Variants in ZNF740 observed in about 807,000 individuals in gnomAD.
The protein encoded by ZNF740 is zinc finger protein 740.
ZNF740 carries 14 observed loss-of-function variants against 24.8 expected under a neutral mutation model. The observed-to-expected ratio is 0.56, with a 90% CI of 0.37 to 0.88. The LOEUF is 0.88. Ranked by LOEUF, ZNF740 falls within the 40% of genes least tolerant of loss-of-function variation. ZNF740 has a pLI of 0.00. For synonymous variants in ZNF740, 69 were observed against 84.0 expected (o/e 0.82, Z 0.98); for missense variants, 201 against 247.9 (o/e 0.81, Z 1.27).
intron 2 of ZNF740, among the ~76,000 whole-genome samples, chr12:53,182,539 GGTATGTACATAGGA>G (rs1377142830): frequency 6.6e-6 from 1 of 151,986 alleles, no homozygotes; most frequent in African/African-American, 2.4e-5. Context: ...CAATAATAGG[GGTATGTACATAGGA>G]GAGAACAGTA....
Position 53,180,803 on chromosome 12 carries a change from C to T in ZNF740, c.-342C>T. ...GCTGGGGCCTGGAGGAGGCGCCGCG[C>T]GGCCAGGGAGCCAGCGGGAGGCCGC... is the stretch of plus-strand genomic sequence containing the variant. On this transcript the variant is annotated 5_prime_UTR_variant, in exon 1 of 7. Transcript: ENST00000416904. 7.9e-6 allele frequency: 10 copies of T among 1,271,488 alleles called. No homozygotes were observed. The highest frequency in any genetic ancestry group is 1.0e-5 in the Non-Finnish European group (10 of 981,848). 78.8% of individuals were successfully genotyped at this position (1,271,488 alleles called of 1,614,324 possible). A position where few individuals can be genotyped will look rare whatever the true frequency, so the allele number is the denominator to read the frequency against.
chr12:53,194,496 A>G lies in ZNF740; in HGVS notation c.*6906A>G. 1.4e-6 allele frequency: 1 copy of G among 695,062 alleles called. No individual in the cohort carries two copies. The highest frequency in any genetic ancestry group is 2.4e-6 in the Non-Finnish European group (1 of 412,920). The allele number at this position is 695,062 out of a possible 1,614,324, so 43.1% of individuals were successfully genotyped here. A position where few individuals can be genotyped will look rare whatever the true frequency, so the allele number is the denominator to read the frequency against. ...TTCTGCCCAGTCGAGGCATTTCTGG[A>G]GGGAGGACCCGTGAGAACCTTGCAT... On this transcript the variant is annotated 3_prime_UTR_variant, in exon 7 of 7. Coordinates refer to ENST00000416904, the MANE Select transcript of ZNF740 (RefSeq NM_001004304.4).
rs1304796474 is a variant in ZNF740, at chr12:53,193,587, A to G, written c.*5997A>G. On this transcript the variant is annotated 3_prime_UTR_variant, in exon 7 of 7. Coordinates refer to ENST00000416904, the MANE Select transcript of ZNF740 (RefSeq NM_001004304.4). The stretch of plus-strand genomic sequence containing the variant: ...TGGGAAGCTTCAAGGGATGAAACTG[A>G]GTGGGGAGTCGGGATGTCGAGGAGA... The G allele has an allele frequency of 5.0e-5, 46 of 913,668 alleles. No individual in the cohort carries two copies. Among genetic ancestry groups the G allele is most frequent in the Non-Finnish European group, 4.3e-5 (26 of 609,812 alleles). The allele number at this position is 913,668 out of a possible 1,614,324, so 56.6% of individuals were successfully genotyped here.
rs1257951069 is a variant in ZNF740 at position 53,193,757 on chromosome 12, CCTGGGG to C, written c.*6173_*6178del. 2 of 1,613,868 alleles carry C rather than the reference CCTGGGG, an allele frequency of 1.2e-6. No individual in the cohort carries two copies. The highest frequency in any genetic ancestry group is 1.7e-6 in the Non-Finnish European group (2 of 1,179,984). ...CCCTGGCCATCACTGCAGTGGGGAG[CCTGGGG>C]CTGGGTGTCACTGCAATTACAGTCA... On this transcript the variant is annotated 3_prime_UTR_variant, in exon 7 of 7. Transcript: ENST00000416904.
intron 2 of ZNF740, among the ~76,000 whole-genome samples, chr12:53,184,161 G>T (rs973311034): frequency 3.6e-5 from 5 of 138,436 alleles, no homozygotes; most frequent in South Asian, 4.5e-4. Flanking sequence ...GCGCGCGCGC[G>T]CTCTGAAGCT....
rs1941902341 is a variant in ZNF740, at chr12:53,190,148, C to T, written c.*2558C>T. ...GTTGGTTCAGTTCCCGCGCTGATGT[C>T]TGGGGCAGTGCATGTGTGAGAAGAG... On this transcript the variant is annotated 3_prime_UTR_variant, in exon 7 of 7. Transcript: ENST00000416904. 6.6e-6 allele frequency: 1 copy of T among 152,426 alleles called. No homozygotes were observed. The highest frequency in any genetic ancestry group is 1.5e-5 in the Non-Finnish European group (1 of 68,154). The allele number at this position is 152,426 out of a possible 1,614,324, so 9.4% of individuals were successfully genotyped here. A position where few individuals can be genotyped will look rare whatever the true frequency, so the allele number is the denominator to read the frequency against.
chr12:53,181,146 G>T (rs1941606010), intron 1 of ZNF740: 1 of 983,388 alleles, frequency 1.0e-6, no homozygotes, highest in South Asian at 4.7e-5. Flanking sequence ...TGCAGAGGCT[G>T]GCTGGCCGGA....
In ZNF740 at chr12:53,185,134, A is replaced by G. The variant is rs1310148438; in HGVS notation, c.159+94A>G. ...AGCTCTGATTCCTTGATGCTTCCTC[A>G]TAGGGAAGTGGGGCAAGGGGATCCA... On this transcript the variant is annotated intron_variant, in intron 3 of 6. Coordinates refer to ENST00000416904, the MANE Select transcript of ZNF740 (RefSeq NM_001004304.4). 1.9e-6 allele frequency: 3 copies of G among 1,570,550 alleles called. No homozygotes were observed. In the African/African-American group the frequency reaches 4.0e-5, roughly 21 times the overall value.
rs764263753 is a variant in ZNF740, at chr12:53,193,710, G to A, written c.*6120G>A. On this transcript the variant is annotated 3_prime_UTR_variant, in exon 7 of 7. Coordinates refer to ENST00000416904, the MANE Select transcript of ZNF740 (RefSeq NM_001004304.4). ...TGAAGGGAAGAGGAGGCCCTCACCT[G>A]CATACACCACATTGTAGGTGTCCCT... 1 of 1,610,822 alleles carries A rather than the reference G, an allele frequency of 6.2e-7. No individual in the cohort carries two copies. Among genetic ancestry groups the A allele is most frequent in the East Asian group, 2.2e-5 (1 of 44,844 alleles).
At chr12:53,181,592 C>T in intron 1 of ZNF740, 85 bp from the exon 2 acceptor site, 1 of 820,136 alleles carries the variant, frequency 1.2e-6, no homozygotes, top group Non-Finnish European at 1.5e-6. Context: ...CAGAGAGCGC[C>T]CAGCAAAAAA....
rs556574857 is a variant in ZNF740, at chr12:53,190,658, C to G, written c.*3068C>G. ...TTTTATCAACTGTCCCCTTCCTATC[C>G]TCCTCTCCACCCTGTTTTTTGTTTT... On this transcript the variant is annotated 3_prime_UTR_variant, in exon 7 of 7. Coordinates refer to ENST00000416904, the MANE Select transcript of ZNF740 (RefSeq NM_001004304.4). The G allele has an allele frequency of 2.9e-4, 44 of 152,166 alleles. No individual in the cohort carries two copies. Among genetic ancestry groups the G allele is most frequent in the African/African-American group, 9.9e-4 (41 of 41,412 alleles). 9.4% of individuals were successfully genotyped at this position (152,166 alleles called of 1,614,324 possible).
In ZNF740 at chr12:53,191,377, G is replaced by T. The variant is rs11574545; in HGVS notation, c.*3787G>T. The T allele has an allele frequency of 7.9e-4, 498 of 627,672 alleles. 4 individuals are homozygous for T. The highest frequency in any genetic ancestry group is 1.7e-3 in the South Asian group (96 of 56,186). 38.9% of individuals were successfully genotyped at this position (627,672 alleles called of 1,614,324 possible). The stretch of plus-strand genomic sequence containing the variant: ...GTGGGGTAGCCCAGATGGATGCAAG[G>T]TTGCAGGCATGGGAAGCAGCCCTCT... On this transcript the variant is annotated 3_prime_UTR_variant, in exon 7 of 7. Transcript: ENST00000416904.
chr12:53,193,101 C>T lies in ZNF740; in HGVS notation c.*5511C>T, dbSNP rs776253388. The T allele has an allele frequency of 6.5e-7, 1 of 1,550,136 alleles. No individual in the cohort carries two copies. Among genetic ancestry groups the T allele is most frequent in the Non-Finnish European group, 8.8e-7 (1 of 1,132,324 alleles). On this transcript the variant is annotated 3_prime_UTR_variant, in exon 7 of 7. Coordinates refer to ENST00000416904, the MANE Select transcript of ZNF740 (RefSeq NM_001004304.4). Reference sequence around the variant, plus strand: ...CCAGAGCCTAAGTGCCTTGGGAAGGCCTCTCAGACCCCGCCCTTCTCCCCA... The same window carrying T: ...CCAGAGCCTAAGTGCCTTGGGAAGGTCTCTCAGACCCCGCCCTTCTCCCCA...
In ZNF740 at chr12:53,193,563, G is replaced by A; in HGVS notation, c.*5973G>A. On this transcript the variant is annotated 3_prime_UTR_variant, in exon 7 of 7. Transcript: ENST00000416904. ...TCAGGGGGAGGGCCTGGACATACATGGGAAGCTTCAAGGGATGAAACTGAG... is the reference window on the plus strand; with the variant it reads ...TCAGGGGGAGGGCCTGGACATACATAGGAAGCTTCAAGGGATGAAACTGAG... 1 of 805,108 alleles carries A rather than the reference G, an allele frequency of 1.2e-6. No individual in the cohort carries two copies. Among genetic ancestry groups the A allele is most frequent in the Non-Finnish European group, 2.0e-6 (1 of 512,316 alleles). The allele number at this position is 805,108 out of a possible 1,614,324, so 49.9% of individuals were successfully genotyped here. A position where few individuals can be genotyped will look rare whatever the true frequency, so the allele number is the denominator to read the frequency against.
At position 53,194,547 on chromosome 12, in the gene ZNF740, T is replaced by G; in HGVS notation, c.*6957T>G. On this transcript the variant is annotated 3_prime_UTR_variant, in exon 7 of 7. Coordinates refer to ENST00000416904, the MANE Select transcript of ZNF740 (RefSeq NM_001004304.4). ...AGAACATACAGGATCCAGAGGCCTC[T>G]AATACAGCATTTCAGTGCAGCTGCC... 1.9e-6 allele frequency: 1 copy of G among 533,262 alleles called. No homozygotes were observed. The highest frequency in any genetic ancestry group is 3.4e-6 in the Non-Finnish European group (1 of 295,806). 33.0% of individuals were successfully genotyped at this position (533,262 alleles called of 1,614,324 possible).
At position 53,180,808 on chromosome 12, in the gene ZNF740, A is replaced by G. The variant is rs1198469557; in HGVS notation, c.-337A>G. On this transcript the variant is annotated 5_prime_UTR_variant, in exon 1 of 7. Coordinates refer to ENST00000416904, the MANE Select transcript of ZNF740 (RefSeq NM_001004304.4). ...GGCCTGGAGGAGGCGCCGCGCGGCC[A>G]GGGAGCCAGCGGGAGGCCGCGCCTG... 1 of 1,272,248 alleles carries G rather than the reference A, an allele frequency of 7.9e-7. No individual in the cohort carries two copies. The highest frequency in any genetic ancestry group is 1.0e-6 in the Non-Finnish European group (1 of 982,292). 78.8% of individuals were successfully genotyped at this position (1,272,248 alleles called of 1,614,324 possible). A position where few individuals can be genotyped will look rare whatever the true frequency, so the allele number is the denominator to read the frequency against.
intron 2 of ZNF740, among the ~76,000 whole-genome samples, chr12:53,184,142 T>TGCGC (rs1163072519): frequency 3.8e-5 from 4 of 104,546 alleles, no homozygotes; most frequent in African/African-American, 1.7e-4. Flanking sequence ...TGTGTGTGTG[T>TGCGC]GTGTGTGTGC....
chr12:53,191,898 A>T lies in ZNF740; in HGVS notation c.*4308A>T. 6.2e-7 allele frequency: 1 copy of T among 1,612,724 alleles called. No homozygotes were observed. Among genetic ancestry groups the T allele is most frequent in the Non-Finnish European group, 8.5e-7 (1 of 1,179,940 alleles). On this transcript the variant is annotated 3_prime_UTR_variant, in exon 7 of 7. Coordinates refer to ENST00000416904, the MANE Select transcript of ZNF740 (RefSeq NM_001004304.4). ...GTTGTTGCTGCTCCTTCTCAAAGCG[A>T]CTGTATTCCCGGCGGTCATAGATTT...
intron 1 of ZNF740, 21 bp downstream of exon 1, chr12:53,180,858 C>T: frequency 4.8e-6 from 6 of 1,257,448 alleles, no homozygotes; most frequent in Non-Finnish European, 6.2e-6. Context: ...GCCCCAAAGA[C>T]CGCAGCGTCG....
Sources: allele counts gnomAD v4.1 joint callset (sites outside exome capture counted in the v4.1 genomes callset), GRCh38; gene constraint gnomAD v4.1.1; transcripts MANE v1.5; gene names NCBI Gene and HGNC (gene_info 2026-07-23, HGNC 2026-07-21).